The following PTPRM variants were observed in gnomAD, a reference collection of about 807,000 sequenced individuals.
PTPRM encodes the protein receptor-type tyrosine-protein phosphatase mu.
A neutral mutation model predicts 186.7 loss-of-function variants in PTPRM; 47 were observed. The observed-to-expected ratio is 0.25, with a 90% CI of 0.20 to 0.32. The LOEUF is 0.32. PTPRM is among the 10% of genes least tolerant of loss of function. The pLI is 1.00. For synonymous variants in PTPRM, 668 were observed against 674.9 expected (o/e 0.99, Z 0.16); for missense variants, 1,494 against 1,865.0 (o/e 0.80, Z 3.66).
intron 1 of PTPRM, among the ~76,000 whole-genome samples, chr18:7,617,054 G>A (rs2037823353): frequency 6.6e-6 from 1 of 152,164 alleles, no homozygotes; most frequent in Non-Finnish European, 1.5e-5. Context: ...ATATGTTTGA[G>A]TAGATGCCTT....
intron 7 of PTPRM, among the ~76,000 whole-genome samples, chr18:8,010,225 T>A (rs1274096757): frequency 1.3e-5 from 2 of 152,198 alleles, no homozygotes; most frequent in African/African-American, 2.4e-5. Context: ...CTTGTTGTCT[T>A]CCTTTTTCCT....
intron 19 of PTPRM, among the ~76,000 whole-genome samples, chr18:8,265,607 A>T (rs2094691255): frequency 6.6e-6 from 1 of 152,256 alleles, no homozygotes; most frequent in Non-Finnish European, 1.5e-5. Context: ...TGGCAGAGCC[A>T]AGAAAACACC....
At chr18:8,228,847 G>A (rs889507218) in intron 14 of PTPRM, among the ~76,000 whole-genome samples, 19 of 152,114 alleles carry the variant, frequency 1.2e-4, no homozygotes, top group Admixed American at 4.6e-4. Context: ...GCAAGACTCC[G>A]TCTCAAAAGA....
At chr18:8,288,035 A>C (rs542348772) in intron 19 of PTPRM, among the ~76,000 whole-genome samples, 2 of 152,214 alleles carry the variant, frequency 1.3e-5, no homozygotes, top group South Asian at 2.1e-4. Context: ...ATTGATATAC[A>C]TGGGAATCAA....
chr18:7,774,050 T>C, intron 1 of PTPRM, 99 bp from the exon 2 acceptor site: 1 of 1,262,086 alleles, frequency 7.9e-7, no homozygotes, highest in Non-Finnish European at 1.1e-6. Flanking sequence ...TAGTTTGGCA[T>C]CAAACTTGGC....
At chr18:8,161,639 T>G (rs1420717656) in intron 14 of PTPRM, among the ~76,000 whole-genome samples, 1 of 152,166 alleles carries the variant, frequency 6.6e-6, no homozygotes, top group African/African-American at 2.4e-5. Flanking sequence ...GATTCTTAAT[T>G]GTATTTTTAA....
At chr18:7,689,996 G>A (rs2144638320) in intron 1 of PTPRM, among the ~76,000 whole-genome samples, 1 of 152,166 alleles carries the variant, frequency 6.6e-6, no homozygotes, top group Non-Finnish European at 1.5e-5. Context: ...ACTACTGTAT[G>A]GACACTTTGT....
intron 1 of PTPRM, among the ~76,000 whole-genome samples, chr18:7,582,556 A>G (rs967198965): frequency 1.3e-5 from 2 of 152,232 alleles, no homozygotes; most frequent in African/African-American, 4.8e-5. Context: ...GTCACATGGT[A>G]AAGAGTACGG....
At chr18:8,184,710 AG>A (rs1486777903) in intron 14 of PTPRM, among the ~76,000 whole-genome samples, 1 of 152,240 alleles carries the variant, frequency 6.6e-6, no homozygotes, top group Non-Finnish European at 1.5e-5. Context: ...TTTAGGAAAA[AG>A]TTATATGAGG....
At chr18:8,285,418 A>G (rs1026731199) in intron 19 of PTPRM, among the ~76,000 whole-genome samples, 3 of 152,182 alleles carry the variant, frequency 2.0e-5, no homozygotes, top group African/African-American at 4.8e-5. Flanking sequence ...TGTGAGATGC[A>G]AACAACTGAT....
chr18:8,104,078 G>A (rs968755037), intron 11 of PTPRM, among the ~76,000 whole-genome samples: 1 of 152,032 alleles, frequency 6.6e-6, no homozygotes, highest in African/African-American at 2.4e-5. Flanking sequence ...TCACCATAAC[G>A]GTTGTAATAA....
intron 24 of PTPRM, chr18:8,371,933 A>C (rs2095664709): frequency 6.6e-6 from 1 of 151,716 alleles, no homozygotes; most frequent in Non-Finnish European, 1.5e-5. Flanking sequence ...CCCTGGACTT[A>C]GGGATCTTGG....
At chr18:7,778,590 C>T (rs772768106) in intron 2 of PTPRM, among the ~76,000 whole-genome samples, 9 of 152,230 alleles carry the variant, frequency 5.9e-5, no homozygotes, top group Non-Finnish European at 1.2e-4. Context: ...AGCGATTCTC[C>T]TGCCTCAGCC....
chr18:8,132,501 A>G (rs1239947715), intron 13 of PTPRM, among the ~76,000 whole-genome samples: 1 of 152,162 alleles, frequency 6.6e-6, no homozygotes, highest in Non-Finnish European at 1.5e-5. Flanking sequence ...AAATAAAATT[A>G]CTTTTAATAG....
chr18:7,911,983 G>A (rs1388218505), intron 4 of PTPRM, among the ~76,000 whole-genome samples: 4 of 150,480 alleles, frequency 2.7e-5, no homozygotes, highest in African/African-American at 7.4e-5. Flanking sequence ...CTCCTGAGTA[G>A]CTGTGATTAC....
At chr18:7,729,955 A>G (rs2040623654) in intron 1 of PTPRM, among the ~76,000 whole-genome samples, 1 of 152,172 alleles carries the variant, frequency 6.6e-6, no homozygotes, top group Admixed American at 6.5e-5. Context: ...TTTCAGGCTT[A>G]TATGAAATAC....
rs549649886 is a variant in PTPRM at position 8,313,625 on chromosome 18, G to A, written c.2843-1156G>A. Among the ~76,000 whole-genome samples, 9 of 151,720 alleles carry A rather than the reference G, an allele frequency of 5.9e-5. No homozygotes were observed. The East Asian group carries it at 1.7e-3, about 29-fold the overall frequency. ...ATTTCAATAGGTTTTGGGGGAACAA[G>A]TGGTGTGTTTGGCTACATGAATGAG... is the stretch of plus-strand genomic sequence containing the variant. On this transcript the variant is annotated intron_variant, in intron 20 of 32. Transcript: ENST00000580170.
At chr18:7,771,550 TAA>T (rs2042270085) in intron 1 of PTPRM, among the ~76,000 whole-genome samples, 1 of 152,232 alleles carries the variant, frequency 6.6e-6, no homozygotes, top group South Asian at 2.1e-4. Context: ...AATATTGAAT[TAA>T]GTCTGTATCT....
chr18:7,883,529 G>T (rs774448054), intron 2 of PTPRM, among the ~76,000 whole-genome samples: 1 of 152,156 alleles, frequency 6.6e-6, no homozygotes, highest in Non-Finnish European at 1.5e-5. Flanking sequence ...TTTACTGCAG[G>T]TTGCTAGACT....
Sources: gnomAD v4.1 joint callset for allele counts (sites outside exome capture counted in the v4.1 genomes callset) on GRCh38, gnomAD v4.1.1 for gene constraint, MANE v1.5 for transcripts, NCBI Gene and HGNC (gene_info 2026-07-23, HGNC 2026-07-21) for gene names.